RAVER2: variants seen among roughly 807,000 people sequenced by gnomAD.
RAVER2 encodes ribonucleoprotein, PTB binding 2.
Under a neutral mutation model 78.1 loss-of-function variants are expected in RAVER2, and 46 were observed. That is an observed-to-expected ratio of 0.59 (90% CI 0.46 to 0.75). The LOEUF is 0.75. RAVER2 is among the 30% of genes least tolerant of loss of function. RAVER2 has a pLI of 0.00. For synonymous variants in RAVER2, 311 were observed against 313.3 expected, an observed-to-expected ratio of 0.99 and a Z score of 0.08; for missense variants, 793 against 837.5, an observed-to-expected ratio of 0.95 and a Z score of 0.66.
At chr1:64,761,188 A>G (rs958651113) in intron 1 of RAVER2, among the ~76,000 whole-genome samples, 2 of 152,260 alleles carry the variant, frequency 1.3e-5, no homozygotes, top group African/African-American at 4.8e-5. Context: ...CCAAGTCAAA[A>G]TGTGCTCCTG....
At chr1:64,759,423 G>A (rs984987233) in intron 1 of RAVER2, among the ~76,000 whole-genome samples, 4 of 151,304 alleles carry the variant, frequency 2.6e-5, no homozygotes, top group South Asian at 4.2e-4. Context: ...GTTTCACCGT[G>A]TTAGCCAGAA....
At chr1:64,797,955 G>C (rs1365420148) in intron 5 of RAVER2, among the ~76,000 whole-genome samples, 1 of 150,066 alleles carries the variant, frequency 6.7e-6, no homozygotes, top group Non-Finnish European at 1.5e-5. Context: ...TAAGTTTTAG[G>C]GTACATGTGC....
At chr1:64,812,027 A>G (rs1419144716) in intron 9 of RAVER2, among the ~76,000 whole-genome samples, 1 of 152,152 alleles carries the variant, frequency 6.6e-6, no homozygotes, top group Non-Finnish European at 1.5e-5. Context: ...TTATTTGGTC[A>G]TAAAATATAA....
intron 1 of RAVER2, among the ~76,000 whole-genome samples, chr1:64,758,250 T>TC (rs2100809832): frequency 6.6e-6 from 1 of 152,284 alleles, no homozygotes; most frequent in African/African-American, 2.4e-5. Context: ...CTAAAAATGG[T>TC]CCCCCATATT....
chr1:64,807,390 T>C, exon 9 of RAVER2: 1 of 1,614,074 alleles, frequency 6.2e-7, no homozygotes. Context: ...TTCAGAGCTT[T>C]CCAAACCTTG....
exon 12 of RAVER2, chr1:64,832,285 TCTG>T (rs1463283349): frequency 6.6e-6 from 1 of 152,652 alleles, no homozygotes; most frequent in Non-Finnish European, 1.5e-5. Context: ...TACCTCACTC[TCTG>T]CTTTCTCTCT....
chr1:64,800,089 C>A (rs1362493862), intron 5 of RAVER2, among the ~76,000 whole-genome samples: 1 of 149,638 alleles, frequency 6.7e-6, no homozygotes, highest in Non-Finnish European at 1.5e-5. Flanking sequence ...GATCCTTTGC[C>A]CATTTTTAAA....
Position 64,812,362 on chromosome 1 carries a change from C to CAAAAA in RAVER2, c.1681-359_1681-355dup, listed in dbSNP as rs61411897. On this transcript the variant is annotated intron_variant, in intron 9 of 11. Coordinates refer to ENST00000294428, the Ensembl canonical transcript of RAVER2. ...GGGCAATAGAGTGAGATTCCATCTC[C>CAAAAA]AAAAAAAAAAAAAAAAAAAAATAGG... 4.9e-3 allele frequency among the ~76,000 whole-genome samples: 346 copies of CAAAAA among 69,980 alleles called. 2 individuals carry two copies. Among genetic ancestry groups the CAAAAA allele is most frequent in the Middle Eastern group, 0.01 (1 of 98 alleles). 45.9% of individuals were successfully genotyped at this position (69,980 alleles called of 152,430 possible).
rs56179197 is a variant in RAVER2 at position 64,824,932 on chromosome 1, C to CAAAAAAAAAAAAAAAAAAAAAAAA, written c.1930-5903_1930-5880dup. ...GGCAACAGAGCGAGACCCTGTCTCC[C>CAAAAAAAAAAAAAAAAAAAAAAAA]AAAAAAAAAAAAAAAAAAAAAAAAA... On this transcript the variant is annotated intron_variant, in intron 11 of 11. Transcript: ENST00000294428. Among the ~76,000 whole-genome samples the CAAAAAAAAAAAAAAAAAAAAAAAA allele has an allele frequency of 4.7e-4, 37 of 79,392 alleles. 2 individuals carry two copies. The highest frequency in any genetic ancestry group is 2.5e-3 in the African/African-American group (32 of 12,882). 52.1% of individuals were successfully genotyped at this position (79,392 alleles called of 152,430 possible).
intron 11 of RAVER2, among the ~76,000 whole-genome samples, chr1:64,817,759 G>C (rs1653789039): frequency 1.5e-5 from 2 of 136,108 alleles, no homozygotes; most frequent in South Asian, 2.8e-4. Context: ...GTCGTGGGGT[G>C]GGGGGAGGGG....
chr1:64,800,439 T>C (rs1019926627), intron 5 of RAVER2, among the ~76,000 whole-genome samples: 10 of 152,194 alleles, frequency 6.6e-5, no homozygotes, highest in African/African-American at 2.4e-4. Flanking sequence ...TTTAAGTTTT[T>C]AATAGATTTT....
intron 9 of RAVER2, among the ~76,000 whole-genome samples, chr1:64,809,577 G>A (rs1316606580): frequency 6.6e-6 from 1 of 152,070 alleles, no homozygotes; most frequent in African/African-American, 2.4e-5. Context: ...GGGAGACAGG[G>A]ATGATAACCA....
chr1:64,790,235 AACT>A (rs1652898621), intron 5 of RAVER2, among the ~76,000 whole-genome samples: 1 of 151,416 alleles, frequency 6.6e-6, no homozygotes, highest in Admixed American at 6.6e-5. Context: ...TCCAAAAATA[AACT>A]ACTTATAGGT....
chr1:64,812,674 A>T (rs1272855606), intron 9 of RAVER2, 64 bp from the exon 10 acceptor site: 20 of 1,052,486 alleles, frequency 1.9e-5, no homozygotes, highest in Non-Finnish European at 2.7e-5. Flanking sequence ...GTATTTCTCT[A>T]TTCTTTATTT....
exon 12 of RAVER2, chr1:64,831,076 T>A: frequency 7.5e-7 from 1 of 1,337,504 alleles, no homozygotes; most frequent in Non-Finnish European, 1.0e-6. Context: ...AGCCATATCC[T>A]TTAAATACGG....
chr1:64,796,929 T>C (rs1383375241), intron 5 of RAVER2, among the ~76,000 whole-genome samples: 1 of 152,188 alleles, frequency 6.6e-6, no homozygotes, highest in Non-Finnish European at 1.5e-5. Flanking sequence ...TGATATGTTA[T>C]TTTCATTCAT....
Position 64,789,469 on chromosome 1 carries a change from C to T in RAVER2, c.1060C>T (p.Gln354Ter). The T allele has an allele frequency of 6.2e-7, 1 of 1,609,696 alleles. No homozygotes were observed. The highest frequency in any genetic ancestry group is 1.1e-5 in the South Asian group (1 of 90,436). The change falls in exon 5 of 12, where the codon CAA (glutamine) becomes TAA (stop). Residue 354 changes from glutamine (Q) to a stop codon, truncating the protein, a stop_gained. Coordinates refer to ENST00000294428, the Ensembl canonical transcript of RAVER2. LOFTEE classifies it high-confidence loss of function. The stretch of plus-strand genomic sequence containing the variant: ...AAGTTTAAACAACCCTGCCATGTTG[C>T]AAGTTCTTCTACAGCCCCAGTTATG...
chr1:64,783,741 A>G (rs942432242), intron 4 of RAVER2, among the ~76,000 whole-genome samples: 26 of 152,292 alleles, frequency 1.7e-4, no homozygotes, highest in Non-Finnish European at 7.4e-5. Context: ...AAGAAAACCT[A>G]GGCAATACCA....
intron 6 of RAVER2, 44 bp downstream of exon 6, chr1:64,803,105 T>G: frequency 7.2e-7 from 1 of 1,388,518 alleles, no homozygotes; most frequent in Non-Finnish European, 1.0e-6. Context: ...ATATTCGGAG[T>G]GAATATTTTG....
Sources: gnomAD v4.1 joint callset for allele counts (sites outside exome capture counted in the v4.1 genomes callset) on GRCh38, gnomAD v4.1.1 for gene constraint, MANE v1.5 for transcripts, NCBI Gene and HGNC (gene_info 2026-07-23, HGNC 2026-07-21) for gene names.